The following LANCL2 variants were observed in gnomAD, a reference collection of about 807,000 sequenced individuals.
LANCL2 encodes lanC-like protein 2.
LANCL2 carries 33 observed loss-of-function variants against 56.9 expected under a neutral mutation model. The ratio of observed to expected loss-of-function variants is 0.58; its 90% CI spans 0.44 to 0.78. The LOEUF (loss-of-function observed/expected upper bound fraction) is 0.78. Among genes scored for constraint, LANCL2 ranks in the 30% least tolerant of loss-of-function variants. The pLI, the probability that LANCL2 is intolerant of heterozygous loss-of-function variation, is 0.00. For synonymous variants in LANCL2, 233 were observed against 228.2 expected (o/e 1.02, Z -0.19); for missense variants, 562 against 580.2 (o/e 0.97, Z 0.32).
intron 6 of LANCL2, among the ~76,000 whole-genome samples, chr7:55,418,420 T>C (rs1562869002): frequency 6.6e-6 from 1 of 152,138 alleles, no homozygotes; most frequent in African/African-American, 2.4e-5. Context: ...GTTCAAGGGT[T>C]CTACCCACCT....
chr7:55,396,684 A>G (rs1790257228), intron 2 of LANCL2, among the ~76,000 whole-genome samples: 1 of 148,034 alleles, frequency 6.8e-6, no homozygotes, highest in African/African-American at 2.5e-5. Context: ...CCGCCTGCCA[A>G]CAAAAAACGA....
Position 55,401,222 on chromosome 7 carries a change from A to G in LANCL2, c.727A>G (p.Arg243Gly), listed in dbSNP as rs946401245. The change falls in exon 5 of 9, where the codon AGA becomes GGA. Residue 243 changes from arginine (R) to glycine (G), a missense_variant. Physicochemically the swap from Arg to Gly is moderately radical, Grantham distance 125 (BLOSUM62 -2). Transcript: ENST00000254770. Reference protein sequence around the residue: ...ESGKTLSREERKTERCPLLYQ... With the variant: ...ESGKTLSREEGKTERCPLLYQ... ...GGGTAAGACTTTGTCAAGGGAAGAA[A>G]GAAAAACGGAGCGCTGCCCGCTGTT... is the stretch of plus-strand genomic sequence containing the variant. 2 of 1,614,186 alleles carry G rather than the reference A, an allele frequency of 1.2e-6. No individual in the cohort carries two copies. The highest frequency in any genetic ancestry group is 1.7e-5 in the Admixed American group (1 of 60,030).
intron 8 of LANCL2, among the ~76,000 whole-genome samples, chr7:55,430,062 C>A (rs1425352417): frequency 6.6e-6 from 1 of 152,248 alleles, no homozygotes; most frequent in African/African-American, 2.4e-5. Context: ...TGCCCACACA[C>A]CTGAGCAGGA....
chr7:55,407,771 A>G (rs1790425975), intron 5 of LANCL2, among the ~76,000 whole-genome samples: 1 of 152,250 alleles, frequency 6.6e-6, no homozygotes, highest in African/African-American at 2.4e-5. Context: ...TTGTGGACTC[A>G]TGAAGCCTCT....
chr7:55,380,869 CTTTTTT>C (rs66710499), intron 1 of LANCL2, among the ~76,000 whole-genome samples: 4 of 118,598 alleles, frequency 3.4e-5, no homozygotes, highest in Non-Finnish European at 6.9e-5. Flanking sequence ...GAGTGAATTT[CTTTTTT>C]TTTTTTTTTT....
intron 5 of LANCL2, among the ~76,000 whole-genome samples, chr7:55,409,335 C>T (rs1306041824): frequency 6.6e-6 from 1 of 152,036 alleles, no homozygotes; most frequent in Non-Finnish European, 1.5e-5. Context: ...ATGATCCACC[C>T]GCCTCGGCCT....
In LANCL2 at chr7:55,401,280, C is replaced by T. The variant is rs1790321840; in HGVS notation, c.785C>T (p.Ala262Val). ...TGGCACCGGAAGCAGTACGTTGGAG[C>T]AGCCCATGGCATGGCTGGAATTTAC... ...YQWHRKQYVGAAHGMAGIYYM... is the reference protein window; with the variant it reads ...YQWHRKQYVGVAHGMAGIYYM... The change falls in exon 5 of 9, where the codon GCA (alanine) becomes GTA (valine). Residue 262 changes from alanine to valine, a missense_variant. By Grantham distance (64) the Ala-to-Val change is moderately conservative (BLOSUM62 0). Around this residue, in one of 2 missense-constraint regions of LANCL2, gnomAD observed 378 missense variants for 468.4 expected, o/e 0.81. Transcript: ENST00000254770. The T allele has an allele frequency of 6.2e-7, 1 of 1,614,060 alleles. No individual in the cohort carries two copies. The highest frequency in any genetic ancestry group is 8.5e-7 in the Non-Finnish European group (1 of 1,179,968).
intron 4 of LANCL2, 76 bp downstream of exon 4, chr7:55,400,180 C>T: frequency 1.7e-6 from 2 of 1,211,938 alleles, no homozygotes; most frequent in East Asian, 2.7e-5. Flanking sequence ...GTATTAACAG[C>T]TGGACTTTAC....
intron 5 of LANCL2, among the ~76,000 whole-genome samples, chr7:55,403,088 A>C (rs1357113662): frequency 6.6e-6 from 1 of 152,116 alleles, no homozygotes; most frequent in Admixed American, 6.5e-5. Context: ...CAAGGCAGGC[A>C]GCTGGGAGGT....
At chr7:55,419,274 TTG>T (rs1424374476) in intron 6 of LANCL2, among the ~76,000 whole-genome samples, 1 of 152,114 alleles carries the variant, frequency 6.6e-6, no homozygotes, top group Admixed American at 6.5e-5. Flanking sequence ...GTTTTGTTAA[TTG>T]TGTTTTTCAA....
rs1789852238 is a variant in LANCL2, at chr7:55,365,785, G to A, written c.-241G>A. The A allele has an allele frequency of 5.2e-6, 2 of 385,550 alleles. No individual in the cohort carries two copies. The highest frequency in any genetic ancestry group is 9.2e-6 in the Non-Finnish European group (2 of 216,360). 23.9% of individuals were successfully genotyped at this position (385,550 alleles called of 1,614,324 possible). The stretch of plus-strand genomic sequence containing the variant: ...GCCCGCTCCTCTCCGTCGGGAGCAG[G>A]GCAAAGGCGCCAGGAACAGGGCAGA... On this transcript the variant is annotated 5_prime_UTR_variant, in exon 1 of 9. Transcript: ENST00000254770.
intron 1 of LANCL2, among the ~76,000 whole-genome samples, chr7:55,386,031 G>A (rs539598680): frequency 3.9e-5 from 6 of 152,266 alleles, no homozygotes; most frequent in South Asian, 2.1e-4. Flanking sequence ...GCTCACTGGC[G>A]GTCAGAGTTT....
rs537858680 is a variant in LANCL2, at chr7:55,395,666, TAA to T, written c.323-2755_323-2754del. Reference sequence around the variant, plus strand: ...GACTTCAGTTTTCCAGTCTAGCATATAAAGAGTTTACAAGTCACCATTGCATC... The same window carrying T: ...GACTTCAGTTTTCCAGTCTAGCATATAGAGTTTACAAGTCACCATTGCATC... On this transcript the variant is annotated intron_variant, in intron 2 of 8. Coordinates refer to ENST00000254770, the MANE Select transcript of LANCL2 (RefSeq NM_018697.4). Among the ~76,000 whole-genome samples, 237 of 152,252 alleles carry T rather than the reference TAA, an allele frequency of 1.6e-3. 1 individual carries two copies. Among genetic ancestry groups the T allele is most frequent in the Middle Eastern group, 3.4e-3 (1 of 294 alleles).
chr7:55,431,664 A>T lies in LANCL2; in HGVS notation c.*344A>T, dbSNP rs1431153180. ...TGTATGGCAGTGTCCACTTTTCTGT[A>T]TAAAATGTATAAAGTGGGGTTTCTT... On this transcript the variant is annotated 3_prime_UTR_variant, in exon 9 of 9. Transcript: ENST00000254770. 1 of 196,756 alleles carries T rather than the reference A, an allele frequency of 5.1e-6. No individual in the cohort carries two copies. Among genetic ancestry groups the T allele is most frequent in the African/African-American group, 2.3e-5 (1 of 43,122 alleles). The allele number at this position is 196,756 out of a possible 1,614,324, so 12.2% of individuals were successfully genotyped here. A position where few individuals can be genotyped will look rare whatever the true frequency, so the allele number is the denominator to read the frequency against.
In LANCL2 at chr7:55,411,938, C is replaced by A. The variant is rs1481774436; in HGVS notation, c.857C>A (p.Thr286Lys). The change falls in exon 6 of 9, where the codon ACA becomes AAA. Residue 286 changes from threonine to lysine, a missense_variant. Thr to Lys is a moderately conservative substitution (Grantham distance 78, BLOSUM62 -1). This residue lies in a region of LANCL2 where 378 missense variants were observed against 468.4 expected (regional missense o/e 0.81). Coordinates refer to ENST00000254770, the MANE Select transcript of LANCL2 (RefSeq NM_018697.4). The part of the protein sequence containing the change: ...PAAKVDQETL[T>K]EMVKPSIDYV... Reference sequence around the variant, plus strand: ...GCAAAAGTGGACCAAGAAACCTTGACAGAAATGGTGAAACCCAGTATTGAT... The same window carrying A: ...GCAAAAGTGGACCAAGAAACCTTGAAAGAAATGGTGAAACCCAGTATTGAT... The A allele has an allele frequency of 6.2e-7, 1 of 1,613,024 alleles. No homozygotes were observed. The highest frequency in any genetic ancestry group is 8.5e-7 in the Non-Finnish European group (1 of 1,179,468).
chr7:55,399,701 T>TAA (rs1462824677), intron 3 of LANCL2, among the ~76,000 whole-genome samples: 4 of 152,222 alleles, frequency 2.6e-5, no homozygotes, highest in Non-Finnish European at 5.9e-5. Flanking sequence ...GATTTCAAAA[T>TAA]AAAATTTTAT....
At chr7:55,394,671 C>G (rs578051393) in intron 2 of LANCL2, among the ~76,000 whole-genome samples, 55 of 152,304 alleles carry the variant, frequency 3.6e-4, no homozygotes, top group African/African-American at 1.2e-3. Flanking sequence ...GCATCCAGAA[C>G]AAGTGTGGAG....
At chr7:55,426,782 C>T (rs1790668747) in intron 7 of LANCL2, among the ~76,000 whole-genome samples, 1 of 152,256 alleles carries the variant, frequency 6.6e-6, no homozygotes, top group Non-Finnish European at 1.5e-5. Context: ...GTGAACTACA[C>T]TGTGGCTGGA....
chr7:55,372,975 T>G (rs573946035), intron 1 of LANCL2, among the ~76,000 whole-genome samples: 1 of 152,310 alleles, frequency 6.6e-6, no homozygotes, highest in Admixed American at 6.5e-5. Flanking sequence ...TGATAAGGAA[T>G]AACCAAACCA....
Sources: allele counts gnomAD v4.1 joint callset (sites outside exome capture counted in the v4.1 genomes callset), GRCh38; gene constraint gnomAD v4.1.1; regional missense constraint gnomAD v4.1.1; transcripts MANE v1.5; gene names NCBI Gene and HGNC (gene_info 2026-07-23, HGNC 2026-07-21).